GSE1: variants seen among roughly 807,000 people sequenced by gnomAD.
GSE1 encodes genetic suppressor element 1.
GSE1 carries 32 observed loss-of-function variants against 112.6 expected under a neutral mutation model. That is an observed-to-expected ratio of 0.28 (90% CI 0.21 to 0.38). The LOEUF is 0.38. Among genes scored for constraint, GSE1 ranks in the 10% least tolerant of loss-of-function variants. GSE1 has a pLI of 1.00. For missense variants in GSE1, 2,348 were observed against 1,699.2 expected, an observed-to-expected ratio of 1.38 and a Z score of -6.71; for synonymous variants, 1,115 against 735.6, an observed-to-expected ratio of 1.52 and a Z score of -8.35.
intron 1 of GSE1, among the ~76,000 whole-genome samples, chr16:85,341,597 C>T (rs763835814): frequency 4.6e-5 from 7 of 152,048 alleles, no homozygotes; most frequent in African/African-American, 1.2e-4. Flanking sequence ...GGCAGAGGTG[C>T]AGTGAGCAGA....
intron 2 of GSE1, among the ~76,000 whole-genome samples, chr16:85,445,760 G>C (rs1013123627): frequency 1.3e-5 from 2 of 152,194 alleles, no homozygotes; most frequent in African/African-American, 4.8e-5. Flanking sequence ...AGCCGCCCTG[G>C]TGGGTGGCTG....
At chr16:85,346,703 GTAGA>G (rs1359951431) in intron 1 of GSE1, among the ~76,000 whole-genome samples, 3 of 151,370 alleles carry the variant, frequency 2.0e-5, no homozygotes, top group African/African-American at 7.3e-5. Context: ...TGATTGACAG[GTAGA>G]TGGATGGTGG....
intron 1 of GSE1, among the ~76,000 whole-genome samples, chr16:85,260,952 G>C (rs535259523): frequency 7.2e-5 from 11 of 152,332 alleles, no homozygotes; most frequent in African/African-American, 2.4e-4. Flanking sequence ...GGGAGAAAGC[G>C]AATGTGTTTG....
At chr16:85,375,154 G>A (rs935100795) in intron 2 of GSE1, among the ~76,000 whole-genome samples, 1 of 152,144 alleles carries the variant, frequency 6.6e-6, no homozygotes, top group Non-Finnish European at 1.5e-5. Context: ...AGGCCCTCAG[G>A]ACACCCAGCT....
Position 85,663,512 on chromosome 16 carries a change from C to G in GSE1, c.2542C>G (p.Arg848Gly). ...TPSPRLALST[R>G]YSPDEMNNSP... ...TTCACCGAGACTGGCGCTGTCTACCCGCTACAGCCCTGATGAGATGAACAA... is the reference window on the plus strand; with the variant it reads ...TTCACCGAGACTGGCGCTGTCTACCGGCTACAGCCCTGATGAGATGAACAA... The change falls in exon 11 of 16, where the codon CGC becomes GGC. Residue 848 changes from arginine (R) to glycine (G), a missense_variant. Arg to Gly is a moderately radical substitution (Grantham distance 125). Coordinates refer to ENST00000253458, the MANE Select transcript of GSE1 (RefSeq NM_014615.5). The G allele has an allele frequency of 6.2e-7, 1 of 1,613,842 alleles. No individual in the cohort carries two copies. Among genetic ancestry groups the G allele is most frequent in the Non-Finnish European group, 8.5e-7 (1 of 1,179,958 alleles).
chr16:85,611,468 A>G, upstream of GSE1: 1 of 985,242 alleles, frequency 1.0e-6, no homozygotes, highest in Non-Finnish European at 1.2e-6. Context: ...GCCGCCGGTG[A>G]GCTGGCGGGT....
chr16:85,273,784 G>A (rs958424446), intron 1 of GSE1, among the ~76,000 whole-genome samples: 5 of 151,920 alleles, frequency 3.3e-5, no homozygotes, highest in Admixed American at 2.0e-4. Flanking sequence ...CTGCCTCCTG[G>A]GTTCAAGTGA....
At chr16:85,619,459 G>C (rs1192752249) in intron 1 of GSE1, among the ~76,000 whole-genome samples, 1 of 152,210 alleles carries the variant, frequency 6.6e-6, no homozygotes, top group Non-Finnish European at 1.5e-5. Flanking sequence ...GCCACTTCTA[G>C]GCTAACCCTG....
chr16:85,288,111 G>A (rs2045095969), intron 1 of GSE1, among the ~76,000 whole-genome samples: 7 of 152,096 alleles, frequency 4.6e-5, no homozygotes, highest in South Asian at 4.1e-4. Context: ...GTGGTGGCGT[G>A]CACCTGTAAT....
At chr16:85,420,521 G>A (rs964317486) in intron 2 of GSE1, among the ~76,000 whole-genome samples, 1 of 139,064 alleles carries the variant, frequency 7.2e-6, no homozygotes, top group Admixed American at 6.7e-5. Flanking sequence ...GGGCCAAGGG[G>A]GGTGGCACCA....
At chr16:85,177,510 A>G (rs2074491651) in intron 1 of GSE1, among the ~76,000 whole-genome samples, 2 of 152,196 alleles carry the variant, frequency 1.3e-5, no homozygotes, top group Admixed American at 6.5e-5. Context: ...GCCCCTCCTC[A>G]CTGGGCGACC....
rs2152048188 is a variant in GSE1 at position 85,675,997 on chromosome 16, C to G, written c.*3458C>G. 6.5e-6 allele frequency: 1 copy of G among 152,732 alleles called. No individual in the cohort carries two copies. Among genetic ancestry groups the G allele is most frequent in the South Asian group, 2.1e-4 (1 of 4,828 alleles). The allele number at this position is 152,732 out of a possible 1,614,324, so 9.5% of individuals were successfully genotyped here. ...TGTGCTTAATTCTATAACAGTAAAC[C>G]CCATACGCAGGTGGGAGGGAGGAAC... On this transcript the variant is annotated 3_prime_UTR_variant, in exon 16 of 16. Transcript: ENST00000253458.
chr16:85,293,974 C>T (rs1042337309), intron 1 of GSE1, among the ~76,000 whole-genome samples: 3 of 152,194 alleles, frequency 2.0e-5, no homozygotes, highest in Non-Finnish European at 2.9e-5. Flanking sequence ...GGAGCAATGC[C>T]AACCCAGCAT....
At chr16:85,489,648 G>C (rs1019961212) in intron 2 of GSE1, among the ~76,000 whole-genome samples, 1 of 152,132 alleles carries the variant, frequency 6.6e-6, no homozygotes, top group Non-Finnish European at 1.5e-5. Flanking sequence ...CAAGAGGATG[G>C]GCTCTTCCCA....
chr16:85,669,316 C>A (rs762126612), intron 14 of GSE1, among the ~76,000 whole-genome samples: 8 of 152,104 alleles, frequency 5.3e-5, no homozygotes, highest in South Asian at 2.1e-4. Flanking sequence ...TTTATCATCA[C>A]ATATGACAGT....
chr16:85,188,467 C>T (rs1268297742), intron 1 of GSE1, among the ~76,000 whole-genome samples: 2 of 152,018 alleles, frequency 1.3e-5, no homozygotes, highest in Non-Finnish European at 2.9e-5. Context: ...GGACCTAGAC[C>T]CTTTTAGTCC....
intron 1 of GSE1, among the ~76,000 whole-genome samples, chr16:85,342,498 CT>C (rs2046645655): frequency 1.3e-5 from 2 of 152,126 alleles, no homozygotes; most frequent in African/African-American, 4.8e-5. Context: ...CACGCTTGAG[CT>C]GAGAGCTCAG....
chr16:85,363,993 A>G (rs2047135419), intron 2 of GSE1, among the ~76,000 whole-genome samples: 1 of 152,208 alleles, frequency 6.6e-6, no homozygotes, highest in Non-Finnish European at 1.5e-5. Flanking sequence ...ACAATACCAC[A>G]AACTTCGTGG....
At chr16:85,429,627 C>T (rs914629979) in intron 2 of GSE1, among the ~76,000 whole-genome samples, 13 of 152,216 alleles carry the variant, frequency 8.5e-5, no homozygotes, top group Non-Finnish European at 1.3e-4. Context: ...GTCCTCACCT[C>T]CTCCCAAGAT....
Sources: gnomAD v4.1 joint callset for allele counts (sites outside exome capture counted in the v4.1 genomes callset) on GRCh38, gnomAD v4.1.1 for gene constraint, MANE v1.5 for transcripts, NCBI Gene and HGNC (gene_info 2026-07-23, HGNC 2026-07-21) for gene names.